The following KCNH2 variants were observed in gnomAD, a reference collection of about 807,000 sequenced individuals.
The protein encoded by KCNH2 is voltage-gated inwardly rectifying potassium channel KCNH2.
A neutral mutation model predicts 95.9 loss-of-function variants in KCNH2; 35 were observed. The observed-to-expected ratio is 0.37, with a 90% CI of 0.28 to 0.48. KCNH2 has a LOEUF of 0.48. KCNH2 is among the 20% of genes least tolerant of loss of function. The pLI is 0.99. For synonymous variants in KCNH2, 786 were observed against 754.7 expected (o/e 1.04, Z -0.68); for missense variants, 1,274 against 1,702.9 (o/e 0.75, Z 4.43).
rs1801236226 is a variant in KCNH2, at chr7:150,952,848, C to T, written c.1134G>A (p.Leu378=). The change falls in exon 6 of 15, where the codon CTG becomes CTA. Residue 378 remains leucine (L), a synonymous_variant. Transcript: ENST00000262186. This position sits in a 1 kb window ranked among gnomAD's most constrained non-coding sequence, Gnocchi z 7.3. ...HNVTEKVTQV[L]SLGADVLPEY... ...CAGGCAGCACGTCGGCGCCCAGGGACAGGACCTGCACCCGGGGAAGGCGGA... is the reference window on the plus strand; with the variant it reads ...CAGGCAGCACGTCGGCGCCCAGGGATAGGACCTGCACCCGGGGAAGGCGGA... The T allele has an allele frequency of 1.2e-6, 2 of 1,613,356 alleles. No homozygotes were observed. Among genetic ancestry groups the T allele is most frequent in the Non-Finnish European group, 1.7e-6 (2 of 1,179,994 alleles).
In KCNH2 at chr7:150,946,955, C is replaced by T. The variant is rs753375396; in HGVS notation, c.3252G>A (p.Pro1084=). The change falls in exon 14 of 15, where the codon CCG becomes CCA. Residue 1084 remains proline, a synonymous_variant. Transcript: ENST00000262186. The surrounding 1 kb of genome is among the most constrained non-coding windows in gnomAD (Gnocchi z 6.5). ...GGGATGTGGAAGTGGGGCCAGGCCC[C>T]GGGGTGGTCACAGCACTGTAGGCGG... ...VPPAYSAVTT[P]GPGPTSTSPL... 3.1e-6 allele frequency: 5 copies of T among 1,606,076 alleles called. No individual in the cohort carries two copies. In the African/African-American group the frequency reaches 4.0e-5, roughly 13 times the overall value.
At chr7:150,974,211 G>A (rs377495794) in intron 2 of KCNH2, among the ~76,000 whole-genome samples, 3 of 152,308 alleles carry the variant, frequency 2.0e-5, no homozygotes, top group Admixed American at 2.0e-4. Flanking sequence ...CAGGAGGGGG[G>A]CAGCAGAGAC....
At chr7:150,968,243 A>G (rs993759096) in intron 2 of KCNH2, among the ~76,000 whole-genome samples, 2 of 152,080 alleles carry the variant, frequency 1.3e-5, no homozygotes, top group African/African-American at 4.8e-5. Context: ...CAGCAATTCC[A>G]CTCCCGGGCG....
chr7:150,956,707 A>T (rs1329062763), intron 5 of KCNH2, among the ~76,000 whole-genome samples: 1 of 152,144 alleles, frequency 6.6e-6, no homozygotes, highest in African/African-American at 2.4e-5. Context: ...CCACCTCCCT[A>T]TGAGAAGAAA....
In KCNH2 at chr7:150,959,740, C is replaced by G; in HGVS notation, c.308-4G>C. ...ACCAGACATAGGAAGCAGCTCCCTG[C>G]AGAGTGGGAGGACATAGCCCCCTTG... On this transcript the variant is annotated splice_polypyrimidine_tract_variant and splice_region_variant and intron_variant, in intron 2 of 14. Transcript: ENST00000262186. The G allele has an allele frequency of 1.2e-6, 2 of 1,614,182 alleles. No homozygotes were observed. Among genetic ancestry groups the G allele is most frequent in the Non-Finnish European group, 1.7e-6 (2 of 1,180,024 alleles).
chr7:150,971,348 C>A (rs1801833979), intron 2 of KCNH2, among the ~76,000 whole-genome samples: 1 of 152,142 alleles, frequency 6.6e-6, no homozygotes, highest in South Asian at 2.1e-4. Context: ...GCCTGGACAG[C>A]AGGTCCCCAC....
chr7:150,952,861 C>T lies in KCNH2; in HGVS notation c.1129-8G>A. The T allele has an allele frequency of 6.2e-7, 1 of 1,612,010 alleles. No individual in the cohort carries two copies. ...GGCGCCCAGGGACAGGACCTGCACC[C>T]GGGGAAGGCGGAGGTGTGGGTGAGG... On this transcript the variant is annotated splice_polypyrimidine_tract_variant and splice_region_variant and intron_variant, in intron 5 of 14. Coordinates refer to ENST00000262186, the MANE Select transcript of KCNH2 (RefSeq NM_000238.4). The surrounding 1 kb of genome is among the most constrained non-coding windows in gnomAD (Gnocchi z 7.3).
intron 3 of KCNH2, 115 bp from the exon 4 acceptor site, chr7:150,958,617 C>A: frequency 1.4e-6 from 1 of 720,312 alleles, no homozygotes; most frequent in East Asian, 3.5e-5. Flanking sequence ...ACGGGCAACC[C>A]CCCATCCCCA....
rs200692436 is a variant in KCNH2, at chr7:150,951,758, G to A, written c.1635C>T (p.Tyr545=). The change falls in exon 7 of 15, where the codon TAC becomes TAT. Residue 545 remains tyrosine (Y), a synonymous_variant. Transcript: ENST00000262186. The part of the protein sequence containing the change: ...VARKLDRYSE[Y]GAAVLFLLMC... ...TGAGCAAGAACAGCACGGCCGCGCC[G>A]TACTCTGAGTAGCGATCCAGCTTCC... 83 of 1,606,816 alleles carry A rather than the reference G, an allele frequency of 5.2e-5. No homozygotes were observed. The East Asian group carries it at 5.8e-4, about 11-fold the overall frequency.
chr7:150,960,754 C>A (rs1169230808), intron 2 of KCNH2, among the ~76,000 whole-genome samples: 1 of 152,140 alleles, frequency 6.6e-6, no homozygotes, highest in Non-Finnish European at 1.5e-5. Context: ...CTTTTCCAGT[C>A]TCTCTCTGTC....
rs1801556904 is a variant in KCNH2 at position 150,961,153 on chromosome 7, C to A, written c.308-1417G>T. On this transcript the variant is annotated intron_variant, in intron 2 of 14. Transcript: ENST00000262186. The surrounding 1 kb of genome is among the most constrained non-coding windows in gnomAD (Gnocchi z 6.2). Reference sequence around the variant, plus strand: ...CTCCCGTCCCCACGTTAGTGCCTAGCACCTAGAGTCATACGCCCTGGGGCC... The same window carrying A: ...CTCCCGTCCCCACGTTAGTGCCTAGAACCTAGAGTCATACGCCCTGGGGCC... 1.3e-5 allele frequency among the ~76,000 whole-genome samples: 2 copies of A among 152,188 alleles called. No homozygotes were observed. The highest frequency in any genetic ancestry group is 4.1e-4 in the South Asian group (2 of 4,832).
rs281865155 is a variant in KCNH2, at chr7:150,952,520, G to A, written c.1462C>T (p.Arg488Cys). Reference sequence around the variant, plus strand: ...CCCTTGAAGTAGTGGACGGCGATGCGGCCGGGGTGGCTGACCACCTCCTCG... The same window carrying A: ...CCCTTGAAGTAGTGGACGGCGATGCAGCCGGGGTGGCTGACCACCTCCTCG... Reference protein sequence around the residue: ...ANEEVVSHPGRIAVHYFKGWF... With the variant: ...ANEEVVSHPGCIAVHYFKGWF... Residue 488 changes from arginine (R) to cysteine (C), a missense_variant, in exon 6 of 15, where the codon CGC becomes TGC. Arg to Cys is a radical substitution (Grantham distance 180). Coordinates refer to ENST00000262186, the MANE Select transcript of KCNH2 (RefSeq NM_000238.4). This position sits in a 1 kb window ranked among gnomAD's most constrained non-coding sequence, Gnocchi z 7.3. The A allele has an allele frequency of 1.2e-5, 19 of 1,614,124 alleles. No homozygotes were observed. The highest frequency in any genetic ancestry group is 3.3e-5 in the Admixed American group (2 of 59,998).
At position 150,962,780 on chromosome 7, in the gene KCNH2, G is replaced by A. The variant is rs373898931; in HGVS notation, c.308-3044C>T. Among the ~76,000 whole-genome samples the A allele has an allele frequency of 1.1e-4, 17 of 152,218 alleles. No individual in the cohort carries two copies. The highest frequency in any genetic ancestry group is 3.9e-4 in the African/African-American group (16 of 41,500). ...CCTGCCTGATGGCAGGGGCTGGGGC[G>A]GGGGAGATCTAGCGATCATCAAGGG... On this transcript the variant is annotated intron_variant, in intron 2 of 14. Coordinates refer to ENST00000262186, the MANE Select transcript of KCNH2 (RefSeq NM_000238.4). The surrounding 1 kb of genome is among the most constrained non-coding windows in gnomAD (Gnocchi z 5.7).
intron 2 of KCNH2, 116 bp downstream of exon 2, chr7:150,974,595 G>T (rs1055008913): frequency 5.8e-6 from 5 of 869,044 alleles, no homozygotes; most frequent in Non-Finnish European, 8.8e-6. Flanking sequence ...GCCCGGGCTC[G>T]GGGCGTTCTC....
At position 150,949,064 on chromosome 7, in the gene KCNH2, G is replaced by A. The variant is rs1246466836; in HGVS notation, c.2399-15C>T. The A allele has an allele frequency of 5.0e-6, 8 of 1,611,862 alleles. No individual in the cohort carries two copies. Among genetic ancestry groups the A allele is most frequent in the Non-Finnish European group, 5.9e-6 (7 of 1,178,340 alleles). The stretch of plus-strand genomic sequence containing the variant: ...GTCATTCTTCCCTGGAGGCCATGGA[G>A]AGGACAGGGAGCTCAGCCCCGGGGG... On this transcript the variant is annotated splice_polypyrimidine_tract_variant and intron_variant, in intron 9 of 14. Coordinates refer to ENST00000262186, the MANE Select transcript of KCNH2 (RefSeq NM_000238.4).
intron 1 of KCNH2, among the ~76,000 whole-genome samples, chr7:150,975,398 G>A (rs139684025): frequency 4.8e-4 from 73 of 152,162 alleles, no homozygotes; most frequent in Non-Finnish European, 9.3e-4. Context: ...TCTCCAGACT[G>A]GGGGGCGCTC....
intron 9 of KCNH2, chr7:150,949,406 G>GC: frequency 7.6e-6 from 4 of 523,382 alleles, no homozygotes; most frequent in East Asian, 1.2e-4. Context: ...ATCAAAACCA[G>GC]CATTTTTTTT....
chr7:150,973,787 T>C (rs1801898437), intron 2 of KCNH2, among the ~76,000 whole-genome samples: 1 of 152,240 alleles, frequency 6.6e-6, no homozygotes, highest in Non-Finnish European at 1.5e-5. Flanking sequence ...ACAAGCTCCC[T>C]GAGGGCAGGA....
At chr7:150,975,848 C>T (rs1212835275) in intron 1 of KCNH2, among the ~76,000 whole-genome samples, 5 of 152,206 alleles carry the variant, frequency 3.3e-5, no homozygotes, top group African/African-American at 7.2e-5. Flanking sequence ...GGAGCCTGGG[C>T]GGGGCCTGAG....
Sources: gnomAD v4.1 joint callset for allele counts (sites outside exome capture counted in the v4.1 genomes callset) on GRCh38, gnomAD v4.1.1 for gene constraint, Gnocchi (gnomAD v3.1) non-coding constraint, MANE v1.5 for transcripts, NCBI Gene and HGNC (gene_info 2026-07-23, HGNC 2026-07-21) for gene names.